The following DLG2 variants were observed in gnomAD, a reference collection of about 807,000 sequenced individuals.
The protein encoded by DLG2 is disks large homolog 2.
DLG2 carries 45 observed loss-of-function variants against 132.5 expected under a neutral mutation model. The observed-to-expected ratio is 0.34, with a 90% confidence interval of 0.27 to 0.44. The LOEUF is 0.44. DLG2 is among the 20% of genes least tolerant of loss of function. The probability of loss-of-function intolerance (pLI) is 1.00; values close to 1 mark genes in which losing one functional copy is unlikely to be tolerated. For missense variants in DLG2, 1,045 were observed against 1,196.9 expected (o/e 0.87, Z 1.87); for synonymous variants, 424 against 419.6 (o/e 1.01, Z -0.13).
chr11:85,224,683 T>C (rs894584483), intron 4 of DLG2, among the ~76,000 whole-genome samples: 1 of 152,204 alleles, frequency 6.6e-6, no homozygotes, highest in Non-Finnish European at 1.5e-5. Context: ...TTTTTTTGTA[T>C]TTTCAAAATT....
chr11:85,348,081 G>A (rs527811180), intron 3 of DLG2, among the ~76,000 whole-genome samples: 2 of 141,918 alleles, frequency 1.4e-5, no homozygotes, highest in South Asian at 4.5e-4. Context: ...CGCCTCCCTG[G>A]TTCAAGCGAT....
chr11:84,405,994 C>T (rs921526824), intron 7 of DLG2, among the ~76,000 whole-genome samples: 7 of 152,114 alleles, frequency 4.6e-5, no homozygotes, highest in Admixed American at 1.3e-4. Flanking sequence ...TGAGCAATAG[C>T]CCCCTTCTTG....
chr11:83,775,189 A>T (rs1011112337), intron 18 of DLG2, among the ~76,000 whole-genome samples: 3 of 152,172 alleles, frequency 2.0e-5, no homozygotes, highest in Non-Finnish European at 4.4e-5. Flanking sequence ...TCCTTGTCTG[A>T]CAAATTTTGT....
intron 7 of DLG2, among the ~76,000 whole-genome samples, chr11:84,273,961 T>G (rs1315944033): frequency 6.6e-6 from 1 of 152,182 alleles, no homozygotes; most frequent in Non-Finnish European, 1.5e-5. Flanking sequence ...GTTGCCTATA[T>G]ATTGAAGAAA....
At chr11:84,119,205 C>T (rs957288865) in intron 9 of DLG2, among the ~76,000 whole-genome samples, 3 of 151,834 alleles carry the variant, frequency 2.0e-5, no homozygotes, top group Non-Finnish European at 4.4e-5. Flanking sequence ...GGTCAGGGCA[C>T]AAATCTCTGG....
At chr11:85,473,039 T>G (rs1330074808) in intron 3 of DLG2, among the ~76,000 whole-genome samples, 1 of 152,226 alleles carries the variant, frequency 6.6e-6, no homozygotes, top group Admixed American at 6.5e-5. Context: ...GCACCACTGC[T>G]TTCCCCTTGT....
intron 6 of DLG2, among the ~76,000 whole-genome samples, chr11:85,065,461 T>G (rs1222096957): frequency 6.6e-6 from 1 of 151,586 alleles, no homozygotes; most frequent in Admixed American, 6.6e-5. Context: ...TTAGGTATAA[T>G]GATTTCCCCA....
intron 5 of DLG2, among the ~76,000 whole-genome samples, chr11:85,131,122 A>G (rs79639946): frequency 0.1 from 15,435 of 152,158 alleles, 1,205 homozygotes; most frequent in Non-Finnish European, 0.14. Context: ...CAAAATAATA[A>G]TATGTATCAC....
At position 83,794,436 on chromosome 11, in the gene DLG2, G is replaced by GTTTTTTT. The variant is rs1566986420; in HGVS notation, c.1723-7645_1723-7644insAAAAAAA. On this transcript the variant is annotated intron_variant, in intron 17 of 27. Transcript: ENST00000376104. ...GACACAGCCTCATATATTTACTATT[G>GTTTTTTT]GTTTTTTTTTTTTTTTTTTTTTTTT... Among the ~76,000 whole-genome samples, 8 of 90,004 alleles carry GTTTTTTT rather than the reference G, an allele frequency of 8.9e-5. 1 individual carries two copies. Among genetic ancestry groups the GTTTTTTT allele is most frequent in the African/African-American group, 4.0e-4 (8 of 20,030 alleles). 59.0% of individuals were successfully genotyped at this position (90,004 alleles called of 152,430 possible).
intron 9 of DLG2, among the ~76,000 whole-genome samples, chr11:84,153,474 C>T (rs1232242198): frequency 6.6e-6 from 1 of 152,060 alleles, no homozygotes; most frequent in African/African-American, 2.4e-5. Flanking sequence ...CTTGGGAATA[C>T]CAGCATGGGT....
At position 84,485,470 on chromosome 11, in the gene DLG2, T is replaced by C. The variant is rs1004559633; in HGVS notation, c.519+49100A>G. ...ATGGTTTTCCCTGACTCTGTGGTCA[T>C]TGAACTAATCAATATAATCTTGCTT... On this transcript the variant is annotated intron_variant, in intron 7 of 27. Coordinates refer to ENST00000376104, the MANE Select transcript of DLG2 (RefSeq NM_001142699.3). 5.9e-5 allele frequency among the ~76,000 whole-genome samples: 9 copies of C among 152,160 alleles called. No individual in the cohort carries two copies. The South Asian group carries it at 6.2e-4, about 10-fold the overall frequency.
intron 3 of DLG2, among the ~76,000 whole-genome samples, chr11:85,542,727 G>T (rs905593260): frequency 6.6e-6 from 1 of 152,066 alleles, no homozygotes; most frequent in Non-Finnish European, 1.5e-5. Context: ...CATTTGACAT[G>T]ACATTTCATA....
intron 6 of DLG2, among the ~76,000 whole-genome samples, chr11:84,756,107 T>TA (rs1198006745): frequency 6.6e-6 from 1 of 152,064 alleles, no homozygotes; most frequent in African/African-American, 2.4e-5. Flanking sequence ...CAAAAAATCA[T>TA]AAAAAAAATT....
At chr11:85,048,870 A>G (rs2062615852) in intron 6 of DLG2, among the ~76,000 whole-genome samples, 1 of 152,086 alleles carries the variant, frequency 6.6e-6, no homozygotes, top group Non-Finnish European at 1.5e-5. Context: ...ATCTGAGAAC[A>G]TGGAGAAATG....
intron 7 of DLG2, among the ~76,000 whole-genome samples, chr11:84,284,449 G>A (rs989992182): frequency 2.0e-5 from 3 of 152,166 alleles, no homozygotes; most frequent in South Asian, 2.1e-4. Context: ...CTTAAGAGAC[G>A]CGAGTCATCG....
At chr11:85,186,876 T>C (rs942388414) in intron 4 of DLG2, among the ~76,000 whole-genome samples, 2 of 152,110 alleles carry the variant, frequency 1.3e-5, no homozygotes, top group African/African-American at 4.8e-5. Context: ...TTTTAATCAA[T>C]GCCTATTAAC....
rs398016937 is a variant in DLG2, at chr11:84,166,500, C to CAAAA, written c.574-2993_574-2990dup. Among the ~76,000 whole-genome samples the CAAAA allele has an allele frequency of 8.4e-4, 68 of 80,944 alleles. 2 individuals carry two copies. The highest frequency in any genetic ancestry group is 0.018 in the Middle Eastern group (2 of 114). 53.1% of individuals were successfully genotyped at this position (80,944 alleles called of 152,430 possible). On this transcript the variant is annotated intron_variant, in intron 8 of 27. Transcript: ENST00000376104. ...CTGGTGACAGAGTAAGACTCTGCTT[C>CAAAA]AAAAAAAAAAAAAAAAAAAAGAAAA...
chr11:85,602,827 C>T (rs1472087584), intron 2 of DLG2, among the ~76,000 whole-genome samples: 2 of 152,176 alleles, frequency 1.3e-5, no homozygotes, highest in Non-Finnish European at 2.9e-5. Context: ...GGCCTCTATA[C>T]TTGTGATTCT....
At chr11:83,652,648 G>T (rs989476291) in intron 18 of DLG2, among the ~76,000 whole-genome samples, 4 of 152,076 alleles carry the variant, frequency 2.6e-5, no homozygotes, top group African/African-American at 9.7e-5. Flanking sequence ...CTGGGATTAC[G>T]GGTGTGAGCC....
Sources: allele counts gnomAD v4.1 joint callset (sites outside exome capture counted in the v4.1 genomes callset), GRCh38; gene constraint gnomAD v4.1.1; transcripts MANE v1.5; gene names NCBI Gene and HGNC (gene_info 2026-07-23, HGNC 2026-07-21).